MAN1C1: variants seen among roughly 807,000 people sequenced by gnomAD.
The protein encoded by MAN1C1 is mannosidase alpha class 1C member 1, also known as mannosyl-oligosaccharide 1,2-alpha-mannosidase IC.
A neutral mutation model predicts 71.5 loss-of-function variants in MAN1C1; 49 were observed. The ratio of observed to expected loss-of-function variants is 0.69; its 90% CI spans 0.54 to 0.87. The LOEUF (loss-of-function observed/expected upper bound fraction) is 0.87, where lower values mean the gene tolerates loss of function less well. Among genes scored for constraint, MAN1C1 ranks in the 40% least tolerant of loss-of-function variants. MAN1C1 has a pLI of 0.00. For missense variants in MAN1C1, 743 were observed against 835.0 expected (o/e 0.89, Z 1.36); for synonymous variants, 352 against 343.7 (o/e 1.02, Z -0.27).
At position 25,782,074 on chromosome 1, in the gene MAN1C1, G is replaced by A. The variant is rs567427750; in HGVS notation, c.1651-511G>A. The stretch of plus-strand genomic sequence containing the variant: ...CCCTCCAGCCTGGGCGACAAAATGA[G>A]ACCTTGTCTCAAGAAAAAAAAATGC... On this transcript the variant is annotated intron_variant, in intron 10 of 11. Coordinates refer to ENST00000374332, the MANE Select transcript of MAN1C1 (RefSeq NM_020379.4). The surrounding 1 kb of genome is among the most constrained non-coding windows in gnomAD (Gnocchi z 4.4). Among the ~76,000 whole-genome samples, 1 of 149,906 alleles carries A rather than the reference G, an allele frequency of 6.7e-6. No homozygotes were observed. The highest frequency in any genetic ancestry group is 2.5e-5 in the African/African-American group (1 of 40,606).
intron 2 of MAN1C1, among the ~76,000 whole-genome samples, chr1:25,687,409 C>T (rs2046247200): frequency 6.6e-6 from 1 of 152,150 alleles, no homozygotes; most frequent in Admixed American, 6.5e-5. Context: ...AGTTGCCAGC[C>T]CCCTTGTCTG....
chr1:25,670,363 G>A (rs2045977516), intron 1 of MAN1C1, among the ~76,000 whole-genome samples: 1 of 152,132 alleles, frequency 6.6e-6, no homozygotes, highest in South Asian at 2.1e-4. Context: ...ACTTAAACCT[G>A]TTTCTTTAAA....
At chr1:25,682,469 C>T (rs956502281) in intron 1 of MAN1C1, among the ~76,000 whole-genome samples, 8 of 152,290 alleles carry the variant, frequency 5.3e-5, no homozygotes, top group African/African-American at 1.9e-4. Context: ...TCCAAAAGAA[C>T]AGCCAGCCAC....
chr1:25,743,821 C>G (rs1288686061), intron 2 of MAN1C1, among the ~76,000 whole-genome samples: 3 of 152,210 alleles, frequency 2.0e-5, no homozygotes, highest in African/African-American at 7.2e-5. Context: ...GGCTGCCTCT[C>G]CCCTGGCCTT....
At chr1:25,741,937 G>A (rs2047068321) in intron 2 of MAN1C1, among the ~76,000 whole-genome samples, 1 of 152,172 alleles carries the variant, frequency 6.6e-6, no homozygotes, top group Non-Finnish European at 1.5e-5. Context: ...AAGGCTGGAA[G>A]GTTGGTGGGG....
intron 2 of MAN1C1, among the ~76,000 whole-genome samples, chr1:25,693,410 C>T (rs2046332173): frequency 6.6e-6 from 1 of 152,002 alleles, no homozygotes; most frequent in Non-Finnish European, 1.5e-5. Flanking sequence ...TGGGCAGAGC[C>T]CCTGAGGTCA....
At position 25,753,351 on chromosome 1, in the gene MAN1C1, C is replaced by G. The variant is rs2047241799; in HGVS notation, c.835-133C>G. 1.8e-6 allele frequency: 1 copy of G among 545,858 alleles called. No homozygotes were observed. The highest frequency in any genetic ancestry group is 3.1e-5 in the South Asian group (1 of 32,534). 33.8% of individuals were successfully genotyped at this position (545,858 alleles called of 1,614,324 possible). On this transcript the variant is annotated intron_variant, in intron 4 of 11. Transcript: ENST00000374332. This position sits in a 1 kb window ranked among gnomAD's most constrained non-coding sequence, Gnocchi z 4.9. ...GTGGCCAGCAGTTGGAAGAACCGGG[C>G]TGGTGGACTGCAGCACTGCCCCCTA...
intron 1 of MAN1C1, among the ~76,000 whole-genome samples, chr1:25,679,136 A>G (rs1201075461): frequency 6.6e-6 from 1 of 152,222 alleles, no homozygotes; most frequent in Non-Finnish European, 1.5e-5. Context: ...GCTGAGTTCA[A>G]GAGAAGGGAG....
chr1:25,675,736 A>G (rs988970047), intron 1 of MAN1C1, among the ~76,000 whole-genome samples: 10 of 152,188 alleles, frequency 6.6e-5, no homozygotes, highest in African/African-American at 2.4e-4. Flanking sequence ...ACTTTTCACC[A>G]CATCCATGCC....
rs909831689 is a variant in MAN1C1, at chr1:25,779,311, G to A, written c.1477+987G>A. ...TGGGAATCATGACACAGGTCTCAGA[G>A]TGAGGCACAGGGTCCCATGAGAAAG... On this transcript the variant is annotated intron_variant, in intron 9 of 11. Coordinates refer to ENST00000374332, the MANE Select transcript of MAN1C1 (RefSeq NM_020379.4). This position sits in a 1 kb window ranked among gnomAD's most constrained non-coding sequence, Gnocchi z 4.6. Among the ~76,000 whole-genome samples, 5 of 152,088 alleles carry A rather than the reference G, an allele frequency of 3.3e-5. No individual in the cohort carries two copies. Among genetic ancestry groups the A allele is most frequent in the Non-Finnish European group, 7.4e-5 (5 of 68,022 alleles).
chr1:25,625,841 A>C (rs547869152), intron 1 of MAN1C1, among the ~76,000 whole-genome samples: 8 of 152,274 alleles, frequency 5.3e-5, no homozygotes, highest in South Asian at 2.1e-4. Context: ...AAAGTACAAA[A>C]TAAGTGGAAT....
chr1:25,728,004 G>C (rs1277344835), intron 2 of MAN1C1, among the ~76,000 whole-genome samples: 2 of 152,250 alleles, frequency 1.3e-5, no homozygotes, highest in Non-Finnish European at 2.9e-5. Flanking sequence ...TTAATGAGTT[G>C]TGAGAGGTTG....
intron 1 of MAN1C1, among the ~76,000 whole-genome samples, chr1:25,683,651 AG>A (rs561719681): frequency 1.6e-5 from 2 of 128,404 alleles, no homozygotes; most frequent in African/African-American, 5.8e-5. Flanking sequence ...GGCAGTTGGC[AG>A]GGGGGTGGGG....
rs776817490 is a variant in MAN1C1, at chr1:25,746,784, G to A, written c.753+1G>A. The A allele has an allele frequency of 6.5e-7, 1 of 1,544,488 alleles. No individual in the cohort carries two copies. The highest frequency in any genetic ancestry group is 1.7e-5 in the Admixed American group (1 of 58,650). ...GGGAGAGAGCTTCCACCTGAACGTG[G>A]TGAGTCAGAGGCCCTCGGCGGGGGA... On this transcript the variant is annotated splice_donor_variant, in intron 3 of 11. Coordinates refer to ENST00000374332, the MANE Select transcript of MAN1C1 (RefSeq NM_020379.4). LOFTEE classifies it high-confidence loss of function. This position sits in a 1 kb window ranked among gnomAD's most constrained non-coding sequence, Gnocchi z 4.0.
At position 25,725,352 on chromosome 1, in the gene MAN1C1, T is replaced by A. The variant is rs1474894494; in HGVS notation, c.638-21316T>A. On this transcript the variant is annotated intron_variant, in intron 2 of 11. Coordinates refer to ENST00000374332, the MANE Select transcript of MAN1C1 (RefSeq NM_020379.4). The surrounding 1 kb of genome is among the most constrained non-coding windows in gnomAD (Gnocchi z 4.8). Reference sequence around the variant, plus strand: ...GGCCACGTCCCTTGCCTCGAAAGAGTTCTCTTCTTAGAGGAGGGATTCACA... The same window carrying A: ...GGCCACGTCCCTTGCCTCGAAAGAGATCTCTTCTTAGAGGAGGGATTCACA... Among the ~76,000 whole-genome samples, 1 of 152,064 alleles carries A rather than the reference T, an allele frequency of 6.6e-6. No homozygotes were observed.
chr1:25,629,680 C>T (rs1317239148), intron 1 of MAN1C1, among the ~76,000 whole-genome samples: 1 of 152,034 alleles, frequency 6.6e-6, no homozygotes. Context: ...CTCGGCCTCC[C>T]AAAGTGCTGG....
At position 25,763,963 on chromosome 1, in the gene MAN1C1, G is replaced by A. The variant is rs2047395278; in HGVS notation, c.1137G>A (p.Val379=). 5.6e-6 allele frequency: 9 copies of A among 1,612,766 alleles called. No homozygotes were observed. The highest frequency in any genetic ancestry group is 1.7e-5 in the Admixed American group (1 of 60,012). Residue 379 remains valine (V), a synonymous_variant, in exon 7 of 12, where the codon GTG becomes GTA. Coordinates refer to ENST00000374332, the MANE Select transcript of MAN1C1 (RefSeq NM_020379.4). ...TCAGCCCAGTGAGTGGGAACTGGGT[G>A]CAACGTGAGTACAGAGACGCCACTG... is the stretch of plus-strand genomic sequence containing the variant. The part of the protein sequence containing the change: ...NFLSPVSGNW[V]QHHVSVGGLG...
chr1:25,689,889 TCCCTGG>T, intron 2 of MAN1C1, among the ~76,000 whole-genome samples: 1 of 152,292 alleles, frequency 6.6e-6, no homozygotes. Flanking sequence ...TACGGCCTCG[TCCCTGG>T]CCTGCAGGGC....
intron 2 of MAN1C1, among the ~76,000 whole-genome samples, chr1:25,712,372 G>A (rs1379126805): frequency 1.3e-5 from 2 of 152,234 alleles, no homozygotes; most frequent in Non-Finnish European, 2.9e-5. Context: ...GCTGCTCTCA[G>A]GGAGGGTCTG....
Sources: gnomAD v4.1 joint callset for allele counts (sites outside exome capture counted in the v4.1 genomes callset) on GRCh38, gnomAD v4.1.1 for gene constraint, Gnocchi (gnomAD v3.1) non-coding constraint, MANE v1.5 for transcripts, NCBI Gene and HGNC (gene_info 2026-07-23, HGNC 2026-07-21) for gene names.